Variants in LRP4 observed in about 807,000 individuals in gnomAD.
LRP4 encodes LDL receptor related protein 4.
Under a neutral mutation model 220.3 loss-of-function variants are expected in LRP4, and 95 were observed. The observed-to-expected ratio is 0.43, with a 90% CI of 0.37 to 0.51. The LOEUF is 0.51. LRP4 is among the 20% of genes least tolerant of loss of function. The pLI is 0.00. For missense variants in LRP4, 1,925 were observed against 2,567.0 expected (o/e 0.75, Z 5.40); for synonymous variants, 903 against 954.6 (o/e 0.95, Z 1.00).
At chr11:46,889,762 C>A in intron 15 of LRP4, 182 bp downstream of exon 15, 1 of 845,974 alleles carries the variant, frequency 1.2e-6, no homozygotes, top group Non-Finnish European at 1.9e-6. Context: ...TGAATCTTTT[C>A]GTGAATCTTG....
At chr11:46,878,763 A>G in intron 22 of LRP4, 144 bp downstream of exon 22, 1 of 1,245,322 alleles carries the variant, frequency 8.0e-7, no homozygotes, top group Non-Finnish European at 1.2e-6. Context: ...CTTTTCTAAA[A>G]GCCGTGAGTC....
chr11:46,875,325 G>A lies in LRP4; in HGVS notation c.3925+131C>T. On this transcript the variant is annotated intron_variant, in intron 27 of 37. Coordinates refer to ENST00000378623, the MANE Select transcript of LRP4 (RefSeq NM_002334.4). The surrounding 1 kb of genome is among the most constrained non-coding windows in gnomAD (Gnocchi z 4.5). ...CCCAGAGAGAACACAGCCCAATCTG[G>A]AAGGGAGCTTAAACAGGTCACCGTC... 2.1e-6 allele frequency: 2 copies of A among 944,834 alleles called. No homozygotes were observed. Among genetic ancestry groups the A allele is most frequent in the Non-Finnish European group, 3.3e-6 (2 of 607,566 alleles). The allele number at this position is 944,834 out of a possible 1,614,324, so 58.5% of individuals were successfully genotyped here.
chr11:46,898,538 A>G lies in LRP4; in HGVS notation c.796+20T>C. On this transcript the variant is annotated intron_variant, in intron 7 of 37. Coordinates refer to ENST00000378623, the MANE Select transcript of LRP4 (RefSeq NM_002334.4). ...CTTCTCCTTAGTTCAAGCCCAACCT[A>G]ATTCCATTTCCCCACTCACTGCAGT... is the stretch of plus-strand genomic sequence containing the variant. The G allele has an allele frequency of 6.2e-7, 1 of 1,613,840 alleles. No homozygotes were observed.
intron 16 of LRP4, among the ~76,000 whole-genome samples, 177 bp downstream of exon 16, chr11:46,889,234 T>C (rs1382079184): frequency 2.0e-5 from 3 of 152,178 alleles, no homozygotes; most frequent in African/African-American, 7.2e-5. Flanking sequence ...TAGTGCTGGG[T>C]CCTCAGTCCT....
chr11:46,903,765 G>C (rs1941711836), intron 1 of LRP4, among the ~76,000 whole-genome samples: 1 of 152,342 alleles, frequency 6.6e-6, no homozygotes, highest in Middle Eastern at 3.4e-3. Context: ...AGGAAGCAGG[G>C]TGGGCTGCTC....
chr11:46,895,209 T>G lies in LRP4; in HGVS notation c.1266A>C (p.Thr422=), dbSNP rs771484240. Residue 422 remains threonine, a synonymous_variant, in exon 11 of 38, where the codon ACA becomes ACC. Coordinates refer to ENST00000378623, the MANE Select transcript of LRP4 (RefSeq NM_002334.4). ...SEGAFQCWCE[T]GYELRPDRRS... is the part of the protein sequence containing the mutation. ...GCCGGTCGGGCCGTAGTTCATAGCC[T>G]GTTTCACACCAGCATTGGAAAGCCC... 1.2e-6 allele frequency: 2 copies of G among 1,614,110 alleles called. No individual in the cohort carries two copies. The highest frequency in any genetic ancestry group is 2.2e-5 in the South Asian group (2 of 91,088).
chr11:46,899,939 C>G lies in LRP4; in HGVS notation c.354G>C (p.Gln118His). The G allele has an allele frequency of 1.9e-6, 3 of 1,613,964 alleles. No homozygotes were observed. Among genetic ancestry groups the G allele is most frequent in the Non-Finnish European group, 2.5e-6 (3 of 1,180,022 alleles). ...ACAGACTCCGGATGCAGTAGCCATTCTGGCAGGGAAACTCGTCCTCCTCAC... is the reference window on the plus strand; with the variant it reads ...ACAGACTCCGGATGCAGTAGCCATTGTGGCAGGGAAACTCGTCCTCCTCAC... ...RECEEDEFPCQNGYCIRSLWH... is the reference protein window; with the variant it reads ...RECEEDEFPCHNGYCIRSLWH... The change falls in exon 4 of 38, where the codon CAG becomes CAC. Residue 118 changes from glutamine to histidine, a missense_variant. By Grantham distance (24) the Gln-to-His change is conservative (BLOSUM62 0). Transcript: ENST00000378623. This position sits in a 1 kb window ranked among gnomAD's most constrained non-coding sequence, Gnocchi z 5.9.
chr11:46,881,654 G>A (rs765989773), intron 20 of LRP4, 48 bp downstream of exon 20: 3 of 1,564,698 alleles, frequency 1.9e-6, no homozygotes, highest in Non-Finnish European at 2.6e-6. Flanking sequence ...AAGGCTGTGG[G>A]AAGATGTTTT....
intron 16 of LRP4, among the ~76,000 whole-genome samples, chr11:46,887,849 CA>C (rs933963132): frequency 2.7e-5 from 4 of 150,864 alleles, no homozygotes; most frequent in African/African-American, 9.7e-5. Context: ...AACAAACAAA[CA>C]AAAAACTCCA....
At chr11:46,911,755 A>G (rs1403799471) in intron 1 of LRP4, among the ~76,000 whole-genome samples, 3 of 151,852 alleles carry the variant, frequency 2.0e-5, no homozygotes, top group Non-Finnish European at 4.4e-5. Context: ...CTTCTGGGAT[A>G]GCCTGGAATC....
At position 46,890,368 on chromosome 11, in the gene LRP4, G is replaced by A. The variant is rs368577516; in HGVS notation, c.1824C>T (p.Ala608=). Residue 608 remains alanine (A), a synonymous_variant, in exon 14 of 38, where the codon GCC becomes GCT. Coordinates refer to ENST00000378623, the MANE Select transcript of LRP4 (RefSeq NM_002334.4). The surrounding 1 kb of genome is among the most constrained non-coding windows in gnomAD (Gnocchi z 5.3). ...CATCCACCCAGTACATACGGCGCCC[G>A]GCATAGTCGATGGTGAGGCCATTGG... ...FWPNGLTIDY[A]GRRMYWVDAK... is the part of the protein sequence containing the mutation. The A allele has an allele frequency of 1.5e-5, 25 of 1,614,036 alleles. No homozygotes were observed. The highest frequency in any genetic ancestry group is 9.9e-5 in the South Asian group (9 of 91,086).
chr11:46,899,732 G>A lies in LRP4; in HGVS notation c.430+131C>T, dbSNP rs537435980. 41 of 878,540 alleles carry A rather than the reference G, an allele frequency of 4.7e-5. No homozygotes were observed. The African/African-American group carries it at 4.7e-4, about 10-fold the overall frequency. The allele number at this position is 878,540 out of a possible 1,614,324, so 54.4% of individuals were successfully genotyped here. On this transcript the variant is annotated intron_variant, in intron 4 of 37. Transcript: ENST00000378623. This position sits in a 1 kb window ranked among gnomAD's most constrained non-coding sequence, Gnocchi z 5.9. ...GTCTGAGCGGCTCTGCCCCCTCTGC[G>A]TTCCTCTAGCTGCTCCAGATATCTG... is the stretch of plus-strand genomic sequence containing the variant.
intron 1 of LRP4, among the ~76,000 whole-genome samples, chr11:46,909,288 G>A (rs1229672519): frequency 6.6e-6 from 1 of 151,882 alleles, no homozygotes; most frequent in African/African-American, 2.4e-5. Flanking sequence ...ACCCCAGTGT[G>A]GAAGCTATTA....
intron 28 of LRP4, 59 bp downstream of exon 28, chr11:46,874,741 C>T: frequency 6.6e-7 from 1 of 1,509,046 alleles, no homozygotes; most frequent in South Asian, 1.1e-5. Context: ...AACACAACCT[C>T]ACCCATGGGC....
intron 11 of LRP4, 118 bp from the exon 12 acceptor site, chr11:46,894,937 G>A: frequency 9.6e-7 from 1 of 1,037,088 alleles, no homozygotes; most frequent in Non-Finnish European, 1.5e-6. Context: ...GCCCCAAGCT[G>A]TCAGCATCAG....
chr11:46,898,288 C>T lies in LRP4; in HGVS notation c.796+270G>A, dbSNP rs113347070. Among the ~76,000 whole-genome samples, 63 of 152,308 alleles carry T rather than the reference C, an allele frequency of 4.1e-4. 2 individuals carry two copies. The highest frequency in any genetic ancestry group is 9.6e-4 in the African/African-American group (40 of 41,572). On this transcript the variant is annotated intron_variant, in intron 7 of 37. Coordinates refer to ENST00000378623, the MANE Select transcript of LRP4 (RefSeq NM_002334.4). ...GCAACCTCTGCCTCCTAGGTTCAAG[C>T]GATTCTCCTGCCTCAGCCTCCCGAG...
intron 36 of LRP4, chr11:46,863,074 C>T (rs963133291): frequency 2.8e-6 from 1 of 353,594 alleles, no homozygotes; most frequent in African/African-American, 2.1e-5. Flanking sequence ...ATGGAGAGGC[C>T]CACAAGGCAA....
intron 36 of LRP4, 100 bp from the exon 37 acceptor site, chr11:46,862,847 C>A: frequency 1.0e-6 from 1 of 965,162 alleles, no homozygotes; most frequent in East Asian, 2.6e-5. Flanking sequence ...CTAAGATGAT[C>A]CCAGTGACTC....
chr11:46,899,952 T>TG lies in LRP4; in HGVS notation c.340_341insC (p.Glu114AlafsTer19), dbSNP rs772303698. 1 of 1,613,776 alleles carries TG rather than the reference T, an allele frequency of 6.2e-7. No individual in the cohort carries two copies. The highest frequency in any genetic ancestry group is 1.1e-5 in the South Asian group (1 of 91,086). ...GCAGTAGCCATTCTGGCAGGGAAAC[T>TG]CGTCCTCCTCACACTCCCGGGGGGC... On this transcript the variant is annotated frameshift_variant, in exon 4 of 38. Transcript: ENST00000378623. LOFTEE classifies it high-confidence loss of function. This position sits in a 1 kb window ranked among gnomAD's most constrained non-coding sequence, Gnocchi z 5.9.
Sources: allele counts gnomAD v4.1 joint callset (sites outside exome capture counted in the v4.1 genomes callset), GRCh38; gene constraint gnomAD v4.1.1; non-coding constraint Gnocchi (gnomAD v3.1); transcripts MANE v1.5; gene names NCBI Gene and HGNC (gene_info 2026-07-23, HGNC 2026-07-21).